Variants in WWOX observed in about 807,000 individuals in gnomAD.
The protein encoded by WWOX is WW domain-containing oxidoreductase.
In WWOX, 69 loss-of-function variants were observed where a neutral mutation model predicts 46.2. The observed-to-expected ratio is 1.49, with a 90% CI of 1.23 to 1.82. The LOEUF is 1.82. WWOX is among the 40% of genes most tolerant of loss of function. The pLI, the probability that WWOX is intolerant of heterozygous loss-of-function variation, is 0.00. For missense variants in WWOX, 919 were observed against 542.6 expected (o/e 1.69, Z -6.89); for synonymous variants, 359 against 202.6 (o/e 1.77, Z -6.56).
At chr16:78,591,047 C>G (rs1345097102) in intron 8 of WWOX, among the ~76,000 whole-genome samples, 2 of 152,140 alleles carry the variant, frequency 1.3e-5, no homozygotes, top group Non-Finnish European at 2.9e-5. Context: ...GTTATCTGCC[C>G]TAGTCTGAAG....
intron 8 of WWOX, among the ~76,000 whole-genome samples, chr16:79,000,698 C>G (rs554754414): frequency 1.3e-5 from 2 of 152,252 alleles, no homozygotes; most frequent in East Asian, 1.9e-4. Context: ...GCCTTCTGAC[C>G]TTCAGAAAAT....
chr16:78,744,109 C>G (rs1339458793), intron 8 of WWOX, among the ~76,000 whole-genome samples: 1 of 152,120 alleles, frequency 6.6e-6, no homozygotes, highest in South Asian at 2.1e-4. Context: ...TTGGGGTACA[C>G]CACAGCAGCG....
chr16:78,210,313 C>G (rs962116476), intron 5 of WWOX, among the ~76,000 whole-genome samples: 5 of 152,214 alleles, frequency 3.3e-5, no homozygotes, highest in Non-Finnish European at 5.9e-5. Flanking sequence ...GCATCGGCTT[C>G]AGGCAGTCGA....
rs2051643574 is a variant in WWOX, at chr16:78,825,984, C to T, written c.1057-385624C>T. Reference sequence around the variant, plus strand: ...GGGAAGCCAGAGCCGCCTGCTATGCCCCAGCCAGTCCCCATAGCATAACGG... The same window carrying T: ...GGGAAGCCAGAGCCGCCTGCTATGCTCCAGCCAGTCCCCATAGCATAACGG... On this transcript the variant is annotated intron_variant, in intron 8 of 8. Coordinates refer to ENST00000566780, the MANE Select transcript of WWOX (RefSeq NM_016373.4). 5 of 746,112 alleles carry T rather than the reference C, an allele frequency of 6.7e-6. No homozygotes were observed. In the Admixed American group the frequency reaches 1.2e-4, roughly 18 times the overall value. 46.2% of individuals were successfully genotyped at this position (746,112 alleles called of 1,614,324 possible).
At chr16:78,593,069 T>C (rs970868521) in intron 8 of WWOX, among the ~76,000 whole-genome samples, 1 of 152,088 alleles carries the variant, frequency 6.6e-6, no homozygotes, top group Non-Finnish European at 1.5e-5. Flanking sequence ...ATACAAAAGC[T>C]CTTTAGCCAA....
intron 8 of WWOX, among the ~76,000 whole-genome samples, chr16:78,868,397 A>T (rs1597083283): frequency 6.6e-6 from 1 of 152,122 alleles, no homozygotes; most frequent in Non-Finnish European, 1.5e-5. Context: ...GATTACCTGG[A>T]AAGGGTGGGG....
chr16:78,115,213 C>A (rs560421029), intron 4 of WWOX, 59 bp downstream of exon 4: 17 of 1,598,348 alleles, frequency 1.1e-5, no homozygotes, highest in Non-Finnish European at 8.6e-6. Context: ...CCACTTAGAT[C>A]TAGCTATAAT....
At chr16:78,436,051 A>T (rs1364625300) in intron 8 of WWOX, among the ~76,000 whole-genome samples, 2 of 152,174 alleles carry the variant, frequency 1.3e-5, no homozygotes, top group East Asian at 3.9e-4. Flanking sequence ...ACGTGTGCCA[A>T]GTGGCTGCCA....
intron 8 of WWOX, among the ~76,000 whole-genome samples, chr16:78,529,161 C>T (rs1404553922): frequency 6.6e-6 from 1 of 151,864 alleles, no homozygotes; most frequent in Non-Finnish European, 1.5e-5. Context: ...GACTGTATTG[C>T]CCAGGCTGGT....
intron 5 of WWOX, among the ~76,000 whole-genome samples, chr16:78,378,080 A>G (rs954737162): frequency 7.9e-5 from 12 of 152,114 alleles, no homozygotes; most frequent in African/African-American, 2.9e-4. Flanking sequence ...TGGCAAACTC[A>G]GCCTCTGTTC....
chr16:78,333,441 T>A (rs955115716), intron 5 of WWOX, among the ~76,000 whole-genome samples: 2 of 152,192 alleles, frequency 1.3e-5, no homozygotes, highest in Non-Finnish European at 2.9e-5. Flanking sequence ...TCATGGTATT[T>A]AGTGAGTGTA....
At chr16:78,502,694 G>A (rs949083206) in intron 8 of WWOX, among the ~76,000 whole-genome samples, 2 of 152,164 alleles carry the variant, frequency 1.3e-5, no homozygotes, top group Non-Finnish European at 2.9e-5. Flanking sequence ...TTGATGACAT[G>A]TCTTGGCAGT....
chr16:78,601,519 A>G (rs1012757845), intron 8 of WWOX, among the ~76,000 whole-genome samples: 1 of 151,952 alleles, frequency 6.6e-6, no homozygotes, highest in African/African-American at 2.4e-5. Flanking sequence ...ACACACACAT[A>G]CCCCACCGCC....
intron 8 of WWOX, among the ~76,000 whole-genome samples, chr16:79,131,708 T>G (rs1000382082): frequency 6.6e-6 from 1 of 152,058 alleles, no homozygotes; most frequent in Non-Finnish European, 1.5e-5. Flanking sequence ...AAACAGGACA[T>G]GGGTGATCAA....
At chr16:78,811,756 G>C (rs773006508) in intron 8 of WWOX, among the ~76,000 whole-genome samples, 1 of 151,936 alleles carries the variant, frequency 6.6e-6, no homozygotes, top group Non-Finnish European at 1.5e-5. Context: ...AACCTCTCCA[G>C]GGTCCCACAC....
At chr16:78,114,547 T>A (rs955029944) in intron 3 of WWOX, among the ~76,000 whole-genome samples, 2 of 152,224 alleles carry the variant, frequency 1.3e-5, no homozygotes, top group Admixed American at 6.5e-5. Flanking sequence ...ACTAAGACTT[T>A]ATCATTTTGA....
intron 5 of WWOX, among the ~76,000 whole-genome samples, chr16:78,179,972 G>A (rs549694878): frequency 1.3e-5 from 2 of 152,310 alleles, no homozygotes; most frequent in South Asian, 4.1e-4. Context: ...TGTAGGAGGG[G>A]ACAGATCGGC....
At chr16:78,442,440 C>T (rs189414031) in intron 8 of WWOX, among the ~76,000 whole-genome samples, 1 of 152,050 alleles carries the variant, frequency 6.6e-6, no homozygotes, top group Non-Finnish European at 1.5e-5. Flanking sequence ...CCATTTATCA[C>T]CCCCTCCCAC....
At chr16:78,187,929 A>T (rs1192982443) in intron 5 of WWOX, among the ~76,000 whole-genome samples, 1 of 152,160 alleles carries the variant, frequency 6.6e-6, no homozygotes, top group Non-Finnish European at 1.5e-5. Flanking sequence ...AGGCATTAAG[A>T]CCTAGTAAGG....
Sources: allele counts gnomAD v4.1 joint callset (sites outside exome capture counted in the v4.1 genomes callset), GRCh38; gene constraint gnomAD v4.1.1; transcripts MANE v1.5; gene names NCBI Gene and HGNC (gene_info 2026-07-23, HGNC 2026-07-21).